The following DIPK1A variants were observed in gnomAD, a reference collection of about 807,000 sequenced individuals.
The protein encoded by DIPK1A is family with sequence similarity 69 member A.
Under a neutral mutation model 40.8 loss-of-function variants are expected in DIPK1A, and 27 were observed. The observed-to-expected ratio is 0.66, with a 90% CI of 0.49 to 0.91. The LOEUF (loss-of-function observed/expected upper bound fraction) is 0.91. Ranked by LOEUF, DIPK1A falls within the 40% of genes least tolerant of loss-of-function variation. The pLI, the probability that DIPK1A is intolerant of heterozygous loss-of-function variation, is 0.00. For missense variants in DIPK1A, 412 were observed against 505.7 expected, an observed-to-expected ratio of 0.81 and a Z score of 1.78; for synonymous variants, 166 against 171.3, an observed-to-expected ratio of 0.97 and a Z score of 0.24.
rs532170650 is a variant in DIPK1A, at chr1:92,850,479, G to A, written c.297+369C>T. Among the ~76,000 whole-genome samples the A allele has an allele frequency of 1.4e-4, 21 of 152,192 alleles. No individual in the cohort carries two copies. The South Asian group carries it at 2.1e-3, about 15-fold the overall frequency. ...GTGGATTGCTTGAGCTCAGGAGTTC[G>A]AGACCAGCCTGGGCAACATGGCGGG... is the stretch of plus-strand genomic sequence containing the variant. On this transcript the variant is annotated intron_variant, in intron 3 of 4. Transcript: ENST00000370310.
In DIPK1A at chr1:92,847,234, A is replaced by T. The variant is rs776708463; in HGVS notation, c.423T>A (p.Thr141=). Residue 141 remains threonine (T), a synonymous_variant, in exon 4 of 5, where the codon ACT becomes ACA. Transcript: ENST00000370310. Reference sequence around the variant, plus strand: ...TAAATTTTTGTACAGTAGTTCCTCTAGTTGGCTTATCAAATAGCACTATTT... The same window carrying T: ...TAAATTTTTGTACAGTAGTTCCTCTTGTTGGCTTATCAAATAGCACTATTT... ...RKEIVLFDKP[T]RGTTVQKFKE... 1 of 1,606,774 alleles carries T rather than the reference A, an allele frequency of 6.2e-7. No individual in the cohort carries two copies. Among genetic ancestry groups the T allele is most frequent in the Non-Finnish European group, 8.5e-7 (1 of 1,176,062 alleles).
intron 4 of DIPK1A, among the ~76,000 whole-genome samples, chr1:92,834,458 C>T (rs1028555609): frequency 2.6e-5 from 4 of 152,088 alleles, no homozygotes; most frequent in African/African-American, 9.7e-5. Flanking sequence ...GGTAGGCACA[C>T]CTGTTTCCTG....
At chr1:92,876,610 A>T in intron 1 of DIPK1A, 180 bp from the exon 2 acceptor site, 1 of 617,758 alleles carries the variant, frequency 1.6e-6, no homozygotes. Context: ...TTAGAAAAGG[A>T]AGCTCCTTGG....
chr1:92,899,994 A>C (rs1458983250), intron 1 of DIPK1A, among the ~76,000 whole-genome samples: 1 of 151,906 alleles, frequency 6.6e-6, no homozygotes, highest in African/African-American at 2.4e-5. Context: ...ATCTGCTGTT[A>C]GTCTAATGAG....
At chr1:92,931,019 CT>C (rs1168566556) in intron 1 of DIPK1A, 2 of 152,186 alleles carry the variant, frequency 1.3e-5, no homozygotes, top group Non-Finnish European at 2.9e-5. Context: ...ACTTCTAGTA[CT>C]TCATTCTTTG....
chr1:92,883,080 C>T (rs569485755), intron 1 of DIPK1A, among the ~76,000 whole-genome samples: 2 of 152,166 alleles, frequency 1.3e-5, no homozygotes, highest in African/African-American at 4.8e-5. Context: ...CTGGCAAAAG[C>T]TGAAGACTAT....
intron 1 of DIPK1A, among the ~76,000 whole-genome samples, chr1:92,955,019 A>G (rs1324839594): frequency 6.6e-6 from 1 of 152,244 alleles, no homozygotes; most frequent in Admixed American, 6.5e-5. Context: ...GAAATGAGCT[A>G]TTAAGCCATG....
At chr1:92,858,113 C>T (rs936040649) in intron 2 of DIPK1A, among the ~76,000 whole-genome samples, 7 of 152,112 alleles carry the variant, frequency 4.6e-5, no homozygotes, top group Non-Finnish European at 8.8e-5. Context: ...GGTTTTTATC[C>T]GGAAGTAGGG....
chr1:92,912,587 T>C (rs1434685058), intron 1 of DIPK1A, among the ~76,000 whole-genome samples: 1 of 152,200 alleles, frequency 6.6e-6, no homozygotes, highest in Non-Finnish European at 1.5e-5. Flanking sequence ...TAGATCACTT[T>C]CAAGACCCAC....
chr1:92,917,850 A>G (rs1318558795), intron 1 of DIPK1A, among the ~76,000 whole-genome samples: 1 of 152,190 alleles, frequency 6.6e-6, no homozygotes, highest in East Asian at 1.9e-4. Context: ...AAAGAGATGA[A>G]AGGACAGGCT....
In DIPK1A at chr1:92,853,452, T is replaced by C. The variant is rs374984607; in HGVS notation, c.190-2497A>G. On this transcript the variant is annotated intron_variant, in intron 2 of 4. Transcript: ENST00000370310. ...CACCTTTAAGGGGAAACCAATCAGA[T>C]TGGCCCCAGATTTCTCCATAGCCAC... Among the ~76,000 whole-genome samples, 155 of 152,272 alleles carry C rather than the reference T, an allele frequency of 1.0e-3. 3 individuals carry two copies. The highest frequency in any genetic ancestry group is 3.5e-3 in the African/African-American group (146 of 41,568).
chr1:92,947,860 AATAG>A (rs1421104456), intron 1 of DIPK1A, among the ~76,000 whole-genome samples: 1 of 152,218 alleles, frequency 6.6e-6, no homozygotes, highest in Non-Finnish European at 1.5e-5. Context: ...ATCTCATAGA[AATAG>A]ATAGTAGAAT....
At chr1:92,871,862 G>GCAAC (rs1647878591) in intron 2 of DIPK1A, among the ~76,000 whole-genome samples, 1 of 151,940 alleles carries the variant, frequency 6.6e-6, no homozygotes, top group Non-Finnish European at 1.5e-5. Flanking sequence ...CCATTCATCT[G>GCAAC]TGGATGGACA....
chr1:92,833,248 T>C (rs1031309268), intron 4 of DIPK1A: 13 of 715,674 alleles, frequency 1.8e-5, no homozygotes, highest in Non-Finnish European at 3.2e-5. Flanking sequence ...CCCTAGTTGC[T>C]TGTGAAACCT....
At chr1:92,938,582 A>C (rs1047603981) in intron 1 of DIPK1A, among the ~76,000 whole-genome samples, 1 of 152,230 alleles carries the variant, frequency 6.6e-6, no homozygotes, top group Admixed American at 6.5e-5. Flanking sequence ...TTGACTTCAA[A>C]AAATTCTAAA....
At chr1:92,944,785 G>C (rs973091987) in intron 1 of DIPK1A, among the ~76,000 whole-genome samples, 1 of 152,002 alleles carries the variant, frequency 6.6e-6, no homozygotes, top group African/African-American at 2.4e-5. Context: ...GCTAATTTTT[G>C]TATTAGGATC....
intron 1 of DIPK1A, among the ~76,000 whole-genome samples, chr1:92,893,091 G>C (rs887862429): frequency 7.9e-5 from 12 of 151,956 alleles, no homozygotes; most frequent in East Asian, 3.8e-4. Context: ...GGATATTATC[G>C]AGGAGAACTT....
chr1:92,875,078 C>T (rs1648055077), intron 2 of DIPK1A, among the ~76,000 whole-genome samples: 2 of 152,114 alleles, frequency 1.3e-5, no homozygotes, highest in Admixed American at 6.5e-5. Flanking sequence ...TGTGGAATAA[C>T]GTGTTTTTGT....
chr1:92,923,592 T>A (rs1355716406), intron 1 of DIPK1A, among the ~76,000 whole-genome samples: 1 of 152,224 alleles, frequency 6.6e-6, no homozygotes, highest in Non-Finnish European at 1.5e-5. Context: ...GTTCCCTTTG[T>A]TCTGAAAGTT....
Sources: gnomAD v4.1 joint callset for allele counts (sites outside exome capture counted in the v4.1 genomes callset) on GRCh38, gnomAD v4.1.1 for gene constraint, MANE v1.5 for transcripts, NCBI Gene and HGNC (gene_info 2026-07-23, HGNC 2026-07-21) for gene names.